Variants in TBCK observed in about 807,000 individuals in gnomAD.
TBCK encodes the protein TBC domain-containing protein kinase-like protein.
TBCK carries 99 observed loss-of-function variants against 113.4 expected under a neutral mutation model. The ratio of observed to expected loss-of-function variants is 0.87; its 90% CI spans 0.74 to 1.03. The LOEUF (loss-of-function observed/expected upper bound fraction) is 1.03. Among genes scored for constraint, TBCK ranks in the 50% least tolerant of loss-of-function variants. TBCK has a pLI of 0.00. For synonymous variants in TBCK, 369 were observed against 370.8 expected, an observed-to-expected ratio of 1.00 and a Z score of 0.05; for missense variants, 1,045 against 1,061.3, an observed-to-expected ratio of 0.98 and a Z score of 0.21.
intron 20 of TBCK, among the ~76,000 whole-genome samples, chr4:106,203,888 A>C (rs1408062457): frequency 1.3e-5 from 2 of 152,214 alleles, no homozygotes; most frequent in African/African-American, 4.8e-5. Flanking sequence ...GCAATTAAAA[A>C]GATTAAAATT....
At chr4:106,314,417 A>G (rs1365776510) in intron 1 of TBCK, among the ~76,000 whole-genome samples, 1 of 152,174 alleles carries the variant, frequency 6.6e-6, no homozygotes, top group Admixed American at 6.5e-5. Context: ...CTAGAAGTCA[A>G]CGGAAAAAGA....
chr4:106,278,238 T>C (rs1764213266), intron 3 of TBCK, among the ~76,000 whole-genome samples: 1 of 151,976 alleles, frequency 6.6e-6, no homozygotes, highest in African/African-American at 2.4e-5. Flanking sequence ...GGACAGGATA[T>C]CAAACTTGAA....
intron 25 of TBCK, among the ~76,000 whole-genome samples, chr4:106,077,597 A>G (rs1738359885): frequency 6.6e-6 from 1 of 152,238 alleles, no homozygotes; most frequent in South Asian, 2.1e-4. Context: ...GGCTCAATCC[A>G]TCAAGAAGAC....
intron 23 of TBCK, among the ~76,000 whole-genome samples, chr4:106,125,487 C>T (rs74665272): frequency 1.8e-4 from 27 of 151,894 alleles, no homozygotes; most frequent in African/African-American, 5.3e-4. Context: ...GATAACAGAT[C>T]GAAACTCCAT....
intron 25 of TBCK, among the ~76,000 whole-genome samples, chr4:106,077,024 C>T (rs62320124): frequency 0.077 from 11,774 of 151,964 alleles, 515 homozygotes; most frequent in Middle Eastern, 0.18. Flanking sequence ...TCATTTGAGC[C>T]CAGGATGCAG....
intron 23 of TBCK, among the ~76,000 whole-genome samples, chr4:106,161,426 G>C (rs1243517276): frequency 6.6e-6 from 1 of 151,986 alleles, no homozygotes; most frequent in African/African-American, 2.4e-5. Context: ...TTCCTGGAGA[G>C]GATAATATAC....
intron 22 of TBCK, among the ~76,000 whole-genome samples, chr4:106,184,216 C>T (rs559836851): frequency 5.8e-4 from 88 of 152,172 alleles, no homozygotes; most frequent in African/African-American, 1.8e-3. Flanking sequence ...TAAAACTTAA[C>T]TCACTATCTT....
chr4:106,259,478 T>C (rs1327971314), intron 5 of TBCK, among the ~76,000 whole-genome samples: 1 of 151,908 alleles, frequency 6.6e-6, no homozygotes, highest in Non-Finnish European at 1.5e-5. Context: ...TCAAGTTTAG[T>C]TTCCTTGTTT....
chr4:106,149,215 A>G (rs947162658), intron 23 of TBCK, among the ~76,000 whole-genome samples: 10 of 152,210 alleles, frequency 6.6e-5, no homozygotes, highest in Non-Finnish European at 5.9e-5. Context: ...AACTTTCTCC[A>G]TATCAGCAGG....
At chr4:106,270,041 AGCTATCG>A (rs1256189321) in intron 3 of TBCK, among the ~76,000 whole-genome samples, 1 of 152,152 alleles carries the variant, frequency 6.6e-6, no homozygotes, top group Non-Finnish European at 1.5e-5. Context: ...GAGATCAATG[AGCTATCG>A]GCCCTGCACA....
At chr4:106,258,104 AT>A (rs1047754045) in intron 5 of TBCK, among the ~76,000 whole-genome samples, 1 of 152,106 alleles carries the variant, frequency 6.6e-6, no homozygotes. Flanking sequence ...TTATTAAAAA[AT>A]AATAAGCTCT....
At chr4:106,238,032 CAGA>C (rs1759670596) in intron 12 of TBCK, among the ~76,000 whole-genome samples, 1 of 151,974 alleles carries the variant, frequency 6.6e-6, no homozygotes, top group Non-Finnish European at 1.5e-5. Flanking sequence ...TTAATAACTA[CAGA>C]AGAAGAGTAT....
chr4:106,194,775 A>C, intron 20 of TBCK, 21 bp from the exon 21 acceptor site: 1 of 1,560,852 alleles, frequency 6.4e-7, no homozygotes, highest in South Asian at 1.2e-5. Context: ...AAAAAGGGGT[A>C]CAGGGAATGG....
chr4:106,249,674 C>G (rs918838673), intron 7 of TBCK, among the ~76,000 whole-genome samples: 1 of 152,094 alleles, frequency 6.6e-6, no homozygotes, highest in Non-Finnish European at 1.5e-5. Flanking sequence ...AGGTTACAGA[C>G]CACATTTAAG....
rs150149316 is a variant in TBCK at position 106,139,912 on chromosome 4, G to C, written c.2236-23534C>G. ...ACAAATTGGGCATGAACAAGTACAG[G>C]ATTTCTACAAGAAAATATAACAAAT... is the stretch of plus-strand genomic sequence containing the variant. On this transcript the variant is annotated intron_variant, in intron 23 of 25. Coordinates refer to ENST00000394708, the MANE Select transcript of TBCK (RefSeq NM_001163435.3). Among the ~76,000 whole-genome samples the C allele has an allele frequency of 1.4e-3, 192 of 140,462 alleles. 18 individuals are homozygous for C. The highest frequency in any genetic ancestry group is 4.5e-3 in the African/African-American group (179 of 39,892). The allele number at this position is 140,462 out of a possible 152,430, so 92.1% of individuals were successfully genotyped here. A position where few individuals can be genotyped will look rare whatever the true frequency, so the allele number is the denominator to read the frequency against.
At chr4:106,262,491 G>A (rs1213893191) in intron 3 of TBCK, among the ~76,000 whole-genome samples, 1 of 151,958 alleles carries the variant, frequency 6.6e-6, no homozygotes, top group African/African-American at 2.4e-5. Context: ...CTTTAATTTT[G>A]GTGGTGAGTG....
intron 24 of TBCK, among the ~76,000 whole-genome samples, chr4:106,102,828 G>C (rs1741704441): frequency 6.6e-6 from 1 of 152,074 alleles, no homozygotes; most frequent in Non-Finnish European, 1.5e-5. Flanking sequence ...GTTAGAGAAA[G>C]TTTCTTTTTT....
chr4:106,234,499 A>G (rs1447565875), intron 15 of TBCK, among the ~76,000 whole-genome samples: 2 of 152,142 alleles, frequency 1.3e-5, no homozygotes, highest in Non-Finnish European at 2.9e-5. Flanking sequence ...GCTAGAGTGC[A>G]GTGGCACAAC....
At chr4:106,304,000 G>A (rs1430009706) in intron 2 of TBCK, among the ~76,000 whole-genome samples, 1 of 152,096 alleles carries the variant, frequency 6.6e-6, no homozygotes, top group Non-Finnish European at 1.5e-5. Context: ...GAAGTTTAAT[G>A]CACATACACA....
Sources: gnomAD v4.1 joint callset for allele counts (sites outside exome capture counted in the v4.1 genomes callset) on GRCh38, gnomAD v4.1.1 for gene constraint, MANE v1.5 for transcripts, NCBI Gene and HGNC (gene_info 2026-07-23, HGNC 2026-07-21) for gene names.